The following C1QTNF3 variants were observed in gnomAD, a reference collection of about 807,000 sequenced individuals.
The protein encoded by C1QTNF3 is complement C1q tumor necrosis factor-related protein 3.
In C1QTNF3, 26 loss-of-function variants were observed where a neutral mutation model predicts 32.6. The ratio of observed to expected loss-of-function variants is 0.80; its 90% CI spans 0.58 to 1.11. C1QTNF3 has a LOEUF of 1.11. C1QTNF3 is among the 50% of genes least tolerant of loss of function. The probability of loss-of-function intolerance (pLI) is 0.00; values close to 1 mark genes in which losing one functional copy is unlikely to be tolerated. For synonymous variants in C1QTNF3, 155 were observed against 146.0 expected, an observed-to-expected ratio of 1.06 and a Z score of -0.44; for missense variants, 362 against 398.2, an observed-to-expected ratio of 0.91 and a Z score of 0.77.
At chr5:34,204,216 C>T in the C1QTNF3 span, among the ~76,000 whole-genome samples, 3 of 152,174 alleles carry the variant, frequency 2.0e-5, no homozygotes, top group African/African-American at 4.8e-5. Flanking sequence ...ACAGAATATA[C>T]ATTCTTAATA....
At chr5:34,220,767 CTT>C in the C1QTNF3 span, among the ~76,000 whole-genome samples, 1 of 152,032 alleles carries the variant, frequency 6.6e-6, no homozygotes, top group Non-Finnish European at 1.5e-5. Flanking sequence ...ATGGCTGCCT[CTT>C]TATATTTGGC....
the C1QTNF3 span, among the ~76,000 whole-genome samples, chr5:34,183,641 T>C: frequency 6.6e-6 from 1 of 151,128 alleles, no homozygotes; most frequent in African/African-American, 2.4e-5. Context: ...ACGCTATTCA[T>C]TGAATTTTCC....
the C1QTNF3 span, among the ~76,000 whole-genome samples, chr5:34,128,321 C>T: frequency 6.6e-6 from 1 of 152,312 alleles, no homozygotes; most frequent in East Asian, 1.9e-4. Flanking sequence ...ATGGAGCTGT[C>T]GTGGAAACCT....
the C1QTNF3 span, among the ~76,000 whole-genome samples, chr5:34,203,601 G>A: frequency 2.0e-5 from 3 of 151,428 alleles, no homozygotes; most frequent in East Asian, 1.9e-4. Context: ...CAGGAGAATC[G>A]CTTGAACCTG....
chr5:34,125,973 A>G, the C1QTNF3 span, among the ~76,000 whole-genome samples: 1 of 152,228 alleles, frequency 6.6e-6, no homozygotes, highest in Non-Finnish European at 1.5e-5. Flanking sequence ...GGAATTGTCT[A>G]AGTTTAATTT....
the C1QTNF3 span, among the ~76,000 whole-genome samples, chr5:34,052,434 A>G: frequency 2.0e-5 from 3 of 152,226 alleles, no homozygotes; most frequent in African/African-American, 7.2e-5. Context: ...TGCCTAACAC[A>G]GTGCCAGCCA....
At chr5:34,063,297 CCTCT>C in the C1QTNF3 span, among the ~76,000 whole-genome samples, 4 of 150,134 alleles carry the variant, frequency 2.7e-5, no homozygotes, top group South Asian at 4.2e-4. Context: ...CCCTCTCTCT[CCTCT>C]CTCTCTCACT....
the C1QTNF3 span, among the ~76,000 whole-genome samples, chr5:34,205,187 A>T: frequency 6.6e-6 from 1 of 151,318 alleles, no homozygotes; most frequent in African/African-American, 2.4e-5. Context: ...GTGAACAATT[A>T]ACTAAATAGA....
chr5:34,178,021 C>T, the C1QTNF3 span, among the ~76,000 whole-genome samples: 2 of 149,302 alleles, frequency 1.3e-5, no homozygotes, highest in Admixed American at 6.7e-5. Flanking sequence ...AATTCCAGCA[C>T]TTTGGGAGGC....
At chr5:34,221,398 T>C in the C1QTNF3 span, among the ~76,000 whole-genome samples, 1 of 152,040 alleles carries the variant, frequency 6.6e-6, no homozygotes, top group African/African-American at 2.4e-5. Flanking sequence ...AATATTCTGG[T>C]TGATGTATAA....
chr5:34,177,791 C>T, the C1QTNF3 span, among the ~76,000 whole-genome samples: 1 of 151,828 alleles, frequency 6.6e-6, no homozygotes, highest in Non-Finnish European at 1.5e-5. Context: ...CCAGCCACAA[C>T]TCATCTTAAA....
intron 4 of C1QTNF3, 162 bp from the exon 5 acceptor site, chr5:34,024,170 C>T (rs1357245730): frequency 3.3e-6 from 2 of 602,498 alleles, no homozygotes; most frequent in South Asian, 1.9e-5. Context: ...GTCCCTATAT[C>T]TACTCCCCTT....
At chr5:34,037,008 C>A (rs1268720500) in intron 1 of C1QTNF3, among the ~76,000 whole-genome samples, 1 of 151,954 alleles carries the variant, frequency 6.6e-6, no homozygotes, top group Non-Finnish European at 1.5e-5. Context: ...GTTTAATAAG[C>A]ACTTAATGGG....
the C1QTNF3 span, among the ~76,000 whole-genome samples, chr5:34,226,756 C>T: frequency 7.3e-5 from 11 of 151,718 alleles, no homozygotes; most frequent in African/African-American, 2.2e-4. Context: ...ACACATATTT[C>T]GTATGCTGTA....
chr5:34,209,464 A>C, the C1QTNF3 span, among the ~76,000 whole-genome samples: 4 of 150,992 alleles, frequency 2.6e-5, no homozygotes, highest in Non-Finnish European at 4.4e-5. Context: ...AAATAAAATA[A>C]ATTTAGAAAT....
the C1QTNF3 span, among the ~76,000 whole-genome samples, chr5:34,110,305 A>G: frequency 6.7e-6 from 1 of 150,272 alleles, no homozygotes; most frequent in Non-Finnish European, 1.5e-5. Context: ...CTCTAAACCT[A>G]GTTGACACAG....
the C1QTNF3 span, among the ~76,000 whole-genome samples, chr5:34,108,338 T>C: frequency 1.3e-5 from 2 of 152,144 alleles, no homozygotes; most frequent in Non-Finnish European, 2.9e-5. Flanking sequence ...ATGGCTTTGT[T>C]TCCAATATGT....
the C1QTNF3 span, among the ~76,000 whole-genome samples, chr5:34,076,703 T>C: frequency 6.6e-6 from 1 of 151,718 alleles, no homozygotes; most frequent in Non-Finnish European, 1.5e-5. Flanking sequence ...TCAGCTACTC[T>C]GACATTTGTC....
At chr5:34,125,936 A>G in the C1QTNF3 span, among the ~76,000 whole-genome samples, 2 of 152,184 alleles carry the variant, frequency 1.3e-5, no homozygotes, top group African/African-American at 4.8e-5. Context: ...TTTGAGTGTC[A>G]AGGGGCTTGC....
Sources: gnomAD v4.1 joint callset for allele counts (sites outside exome capture counted in the v4.1 genomes callset) on GRCh38, gnomAD v4.1.1 for gene constraint, MANE v1.5 for transcripts, NCBI Gene and HGNC (gene_info 2026-07-23, HGNC 2026-07-21) for gene names.